The following ARHGAP8 variants were observed in gnomAD, a reference collection of about 807,000 sequenced individuals.
ARHGAP8 encodes the protein Rho GTPase activating protein 8.
ARHGAP8 carries 62 observed loss-of-function variants against 46.1 expected under a neutral mutation model. The ratio of observed to expected loss-of-function variants is 1.34; its 90% CI spans 1.10 to 1.66. The LOEUF is 1.66. Among genes scored for constraint, ARHGAP8 ranks in the 40% most tolerant of loss-of-function variants. The probability of loss-of-function intolerance (pLI) is 0.00; values close to 1 mark genes in which losing one functional copy is unlikely to be tolerated. For missense variants in ARHGAP8, 923 were observed against 568.4 expected, an observed-to-expected ratio of 1.62 and a Z score of -6.34; for synonymous variants, 375 against 243.1, an observed-to-expected ratio of 1.54 and a Z score of -5.05.
intron 1 of ARHGAP8, among the ~76,000 whole-genome samples, chr22:44,757,895 C>CTG (rs1344502063): frequency 2.0e-5 from 3 of 150,762 alleles, no homozygotes; most frequent in Non-Finnish European, 4.4e-5. Flanking sequence ...CTCAAGTGAT[C>CTG]TGCCCACCCT....
chr22:44,842,172 C>T (rs993119888), intron 7 of ARHGAP8, among the ~76,000 whole-genome samples: 3 of 152,142 alleles, frequency 2.0e-5, no homozygotes, highest in Admixed American at 2.0e-4. Context: ...TCCTGGCCAA[C>T]ATGGTGAAAC....
intron 5 of ARHGAP8, among the ~76,000 whole-genome samples, chr22:44,816,459 C>T (rs1929749022): frequency 6.6e-6 from 1 of 152,080 alleles, no homozygotes; most frequent in East Asian, 1.9e-4. Flanking sequence ...GTCCCTTTGT[C>T]TCTTAATGTG....
At chr22:44,785,581 C>G (rs1405817764) in intron 1 of ARHGAP8, among the ~76,000 whole-genome samples, 1 of 152,100 alleles carries the variant, frequency 6.6e-6, no homozygotes, top group African/African-American at 2.4e-5. Flanking sequence ...TCCAAAGACC[C>G]GACTTCCAAA....
intron 5 of ARHGAP8, among the ~76,000 whole-genome samples, chr22:44,815,390 A>C (rs1471362868): frequency 6.6e-6 from 1 of 152,082 alleles, no homozygotes; most frequent in African/African-American, 2.4e-5. Flanking sequence ...AGATGAGACA[A>C]ATAAAACCCA....
chr22:44,787,616 AT>A (rs144484827), intron 2 of ARHGAP8, among the ~76,000 whole-genome samples: 2 of 152,266 alleles, frequency 1.3e-5, no homozygotes, highest in East Asian at 3.9e-4. Context: ...GAATGCTGGG[AT>A]TATAGGCGTG....
At chr22:44,776,751 G>T (rs532941272) in intron 1 of ARHGAP8, among the ~76,000 whole-genome samples, 1 of 152,156 alleles carries the variant, frequency 6.6e-6, no homozygotes, top group African/African-American at 2.4e-5. Flanking sequence ...AGCGGGTGGC[G>T]TCAGAGCAGA....
Position 44,859,849 on chromosome 22 carries a change from G to A in ARHGAP8, c.981+15G>A. On this transcript the variant is annotated intron_variant, in intron 11 of 11. Coordinates refer to ENST00000356099, the MANE Select transcript of ARHGAP8 (RefSeq NM_181335.3). Reference sequence around the variant, plus strand: ...TCCTGCATGCGGTGAGTGGGGAAGGGGGGAGCTTGGGGTGAAGCCCAGTGG... The same window carrying A: ...TCCTGCATGCGGTGAGTGGGGAAGGAGGGAGCTTGGGGTGAAGCCCAGTGG... 1.2e-6 allele frequency: 2 copies of A among 1,611,124 alleles called. No homozygotes were observed. The highest frequency in any genetic ancestry group is 2.2e-5 in the South Asian group (2 of 90,906).
rs145723385 is a variant in ARHGAP8 at position 44,848,016 on chromosome 22, G to C, written c.714G>C (p.Gln238His). Residue 238 changes from glutamine (Q) to histidine (H), a missense_variant, in exon 9 of 12, where the codon CAG becomes CAC. Coordinates refer to ENST00000356099, the MANE Select transcript of ARHGAP8 (RefSeq NM_181335.3). Reference sequence around the variant, plus strand: ...TGTTCCGGAGATCCGCCAGCGTGCAGACCGTCCGCGAGATCCAGAGGCTCT... The same window carrying C: ...TGTTCCGGAGATCCGCCAGCGTGCACACCGTCCGCGAGATCCAGAGGCTCT... ...EGLFRRSASVQTVREIQRLYN... is the reference protein window; with the variant it reads ...EGLFRRSASVHTVREIQRLYN... The C allele has an allele frequency of 1.9e-4, 303 of 1,607,932 alleles. No homozygotes were observed. The African/African-American group carries it at 3.7e-3, about 20-fold the overall frequency.
intron 1 of ARHGAP8, among the ~76,000 whole-genome samples, chr22:44,754,338 T>TTGTGTGTGTGTGTGTGTG (rs35257490): frequency 1.1e-3 from 158 of 146,608 alleles, no homozygotes; most frequent in African/African-American, 3.7e-3. Flanking sequence ...CATTGAAACT[T>TTGTGTGTGTGTGTGTGTG]TGTGTGTGTG....
In ARHGAP8 at chr22:44,841,645, T is replaced by C. The variant is rs559634782; in HGVS notation, c.597-3624T>C. Among the ~76,000 whole-genome samples, 7 of 152,360 alleles carry C rather than the reference T, an allele frequency of 4.6e-5. No homozygotes were observed. The East Asian group carries it at 1.3e-3, about 29-fold the overall frequency. On this transcript the variant is annotated intron_variant, in intron 7 of 11. Transcript: ENST00000356099. ...CAACATGTTTCTTTCTCGCTAAGGT[T>C]GGGAGGTAGACAGGCCAGCAGGGGC...
At chr22:44,761,752 T>TG (rs775486633) in intron 1 of ARHGAP8, among the ~76,000 whole-genome samples, 4 of 152,114 alleles carry the variant, frequency 2.6e-5, no homozygotes, top group Non-Finnish European at 4.4e-5. Context: ...CACCCGAGAC[T>TG]GGGTAATTTA....
chr22:44,855,310 C>G (rs554815605), intron 10 of ARHGAP8, among the ~76,000 whole-genome samples: 1 of 152,076 alleles, frequency 6.6e-6, no homozygotes, highest in East Asian at 1.9e-4. Flanking sequence ...CTGAGGCATG[C>G]ACTACCACAC....
chr22:44,853,457 A>G (rs118037777), intron 10 of ARHGAP8, among the ~76,000 whole-genome samples: 1 of 152,148 alleles, frequency 6.6e-6, no homozygotes, highest in Non-Finnish European at 1.5e-5. Context: ...CGTCGTAGCC[A>G]GATATTGGAG....
chr22:44,753,601 C>T (rs562247738), intron 1 of ARHGAP8, among the ~76,000 whole-genome samples: 22 of 145,258 alleles, frequency 1.5e-4, no homozygotes, highest in African/African-American at 5.4e-4. Flanking sequence ...TTTCACTTTC[C>T]CTCAATCCTG....
chr22:44,806,433 C>G (rs574649186), intron 3 of ARHGAP8, among the ~76,000 whole-genome samples: 1 of 152,314 alleles, frequency 6.6e-6, no homozygotes, highest in South Asian at 2.1e-4. Context: ...GATGGCAGCC[C>G]ACAGTTCTCA....
intron 1 of ARHGAP8, among the ~76,000 whole-genome samples, chr22:44,781,871 G>C (rs2147037204): frequency 6.6e-6 from 1 of 152,168 alleles, no homozygotes; most frequent in Middle Eastern, 3.4e-3. Flanking sequence ...ATCTTGCTGT[G>C]TTGCCCAGGC....
chr22:44,836,374 C>T (rs1931288296), intron 7 of ARHGAP8, among the ~76,000 whole-genome samples: 1 of 151,488 alleles, frequency 6.6e-6, no homozygotes, highest in African/African-American at 2.4e-5. Flanking sequence ...TCTTTTGAAC[C>T]CAGGTATAAT....
chr22:44,830,453 C>T (rs539668347), intron 7 of ARHGAP8, among the ~76,000 whole-genome samples: 1 of 152,218 alleles, frequency 6.6e-6, no homozygotes, highest in East Asian at 1.9e-4. Context: ...GCCTCAGCCT[C>T]CTGAGTAGCT....
chr22:44,772,917 C>G (rs567052312), intron 1 of ARHGAP8, among the ~76,000 whole-genome samples: 51 of 148,456 alleles, frequency 3.4e-4, no homozygotes, highest in African/African-American at 1.2e-3. Flanking sequence ...CTCCTGGGTT[C>G]AAGCGGTCCT....
Sources: allele counts gnomAD v4.1 joint callset (sites outside exome capture counted in the v4.1 genomes callset), GRCh38; gene constraint gnomAD v4.1.1; transcripts MANE v1.5; gene names NCBI Gene and HGNC (gene_info 2026-07-23, HGNC 2026-07-21).